ATRNL1: variants seen among roughly 807,000 people sequenced by gnomAD.
ATRNL1 encodes the protein attractin-like protein 1.
A neutral mutation model predicts 182.7 loss-of-function variants in ATRNL1; 95 were observed. The observed-to-expected ratio is 0.52, with a 90% CI of 0.44 to 0.62. ATRNL1 has a LOEUF of 0.62. Ranked by LOEUF, ATRNL1 falls within the 20% of genes least tolerant of loss-of-function variation. The pLI, the probability that ATRNL1 is intolerant of heterozygous loss-of-function variation, is 0.00. For synonymous variants in ATRNL1, 576 were observed against 568.3 expected (o/e 1.01, Z -0.19); for missense variants, 1,471 against 1,679.5 (o/e 0.88, Z 2.17).
At chr10:115,140,404 T>G (rs1444778754) in intron 5 of ATRNL1, among the ~76,000 whole-genome samples, 1 of 152,228 alleles carries the variant, frequency 6.6e-6, no homozygotes, top group Non-Finnish European at 1.5e-5. Context: ...AGGAATGGGC[T>G]AATTTGTTCT....
intron 8 of ATRNL1, among the ~76,000 whole-genome samples, chr10:115,179,694 G>A (rs1423596416): frequency 2.0e-5 from 3 of 152,118 alleles, no homozygotes; most frequent in Non-Finnish European, 4.4e-5. Flanking sequence ...TTGAGAGGAA[G>A]AAGTGTCTTG....
At chr10:115,590,787 C>G (rs2804200) in intron 26 of ATRNL1, among the ~76,000 whole-genome samples, 72,389 of 151,936 alleles carry the variant, frequency 0.48, 18,708 homozygotes, top group East Asian at 0.84. Flanking sequence ...ACTTCCATTG[C>G]AAATAGAAAG....
intron 26 of ATRNL1, among the ~76,000 whole-genome samples, chr10:115,557,581 A>C (rs1301328515): frequency 7.2e-5 from 11 of 152,164 alleles, no homozygotes; most frequent in Admixed American, 6.5e-4. Context: ...AGCCACTTAG[A>C]AATCATTGCT....
chr10:115,208,521 T>A (rs917171433), intron 8 of ATRNL1, among the ~76,000 whole-genome samples: 2 of 152,094 alleles, frequency 1.3e-5, no homozygotes, highest in African/African-American at 4.8e-5. Flanking sequence ...AGTTTGCTCC[T>A]TAGTCTTGTT....
At chr10:115,325,760 C>T (rs1854840062) in intron 18 of ATRNL1, among the ~76,000 whole-genome samples, 1 of 152,062 alleles carries the variant, frequency 6.6e-6, no homozygotes, top group Non-Finnish European at 1.5e-5. Flanking sequence ...AGATTACTAC[C>T]TTCTAGTTTT....
At chr10:115,368,081 T>A (rs1857160040) in intron 19 of ATRNL1, among the ~76,000 whole-genome samples, 1 of 152,200 alleles carries the variant, frequency 6.6e-6, no homozygotes, top group Non-Finnish European at 1.5e-5. Flanking sequence ...CTGCTTTGTT[T>A]ACCTAAGCAA....
intron 8 of ATRNL1, among the ~76,000 whole-genome samples, chr10:115,209,410 A>G (rs1450725470): frequency 2.9e-4 from 38 of 133,170 alleles, no homozygotes; most frequent in Non-Finnish European, 2.7e-4. Flanking sequence ...TCCATAAAGC[A>G]TTTTTTATTT....
chr10:115,480,235 C>CACACACAA (rs782012639), intron 24 of ATRNL1, among the ~76,000 whole-genome samples: 2 of 150,154 alleles, frequency 1.3e-5, no homozygotes, highest in African/African-American at 4.9e-5. Flanking sequence ...CACACACACA[C>CACACACAA]AAAACAGAAA....
chr10:115,290,294 G>T (rs1004464168), intron 15 of ATRNL1, among the ~76,000 whole-genome samples: 3 of 152,038 alleles, frequency 2.0e-5, no homozygotes, highest in African/African-American at 4.8e-5. Flanking sequence ...TTCCTCTAGG[G>T]TAATACCCGA....
intron 28 of ATRNL1, among the ~76,000 whole-genome samples, chr10:115,859,441 C>T (rs1951261081): frequency 6.6e-6 from 1 of 152,096 alleles, no homozygotes; most frequent in Non-Finnish European, 1.5e-5. Context: ...TAATTCACCT[C>T]TTACCAGCAG....
At chr10:115,627,403 T>G (rs1858174608) in intron 26 of ATRNL1, among the ~76,000 whole-genome samples, 1 of 152,176 alleles carries the variant, frequency 6.6e-6, no homozygotes, top group Non-Finnish European at 1.5e-5. Flanking sequence ...CTCACTTTGT[T>G]GCTAAGACTG....
chr10:115,363,562 C>G (rs1399667402), intron 19 of ATRNL1, among the ~76,000 whole-genome samples: 5 of 148,346 alleles, frequency 3.4e-5, no homozygotes, highest in African/African-American at 9.9e-5. Context: ...GTTGCCATTG[C>G]TTTTGGTGTT....
chr10:115,561,708 T>TGG (rs1475962220), intron 26 of ATRNL1, among the ~76,000 whole-genome samples: 1 of 150,442 alleles, frequency 6.6e-6, no homozygotes, highest in Non-Finnish European at 1.5e-5. Flanking sequence ...TGTGTGGGTG[T>TGG]GTGTGTGTGT....
chr10:115,341,973 C>G (rs1218991027), intron 19 of ATRNL1, among the ~76,000 whole-genome samples: 4 of 152,036 alleles, frequency 2.6e-5, no homozygotes, highest in Non-Finnish European at 5.9e-5. Flanking sequence ...CATTCAGCCA[C>G]TCTCTTGATT....
chr10:115,806,337 T>C (rs1243177895), intron 27 of ATRNL1, among the ~76,000 whole-genome samples: 1 of 152,166 alleles, frequency 6.6e-6, no homozygotes, highest in Non-Finnish European at 1.5e-5. Context: ...TCTATATTTT[T>C]AGTATCCAAA....
chr10:115,171,977 T>C (rs1205591541), intron 8 of ATRNL1, among the ~76,000 whole-genome samples: 7 of 152,122 alleles, frequency 4.6e-5, no homozygotes, highest in Admixed American at 6.6e-5. Context: ...AATTCTTTTC[T>C]GGCTCTGGCC....
At chr10:115,155,324 G>A (rs189701103) in intron 5 of ATRNL1, among the ~76,000 whole-genome samples, 226 of 151,808 alleles carry the variant, frequency 1.5e-3, no homozygotes, top group Non-Finnish European at 2.2e-3. Flanking sequence ...ATTGATATAT[G>A]GGGACTTAAT....
Position 115,830,953 on chromosome 10 carries a change from C to T in ATRNL1, c.3904-16924C>T, listed in dbSNP as rs782816321. On this transcript the variant is annotated intron_variant, in intron 27 of 28. Coordinates refer to ENST00000355044, the MANE Select transcript of ATRNL1 (RefSeq NM_207303.4). Reference sequence around the variant, plus strand: ...TTACAGCTTTACAACACAGAGCAGGCCTTGCCTTTTTATCCCTTGGCTGTG... The same window carrying T: ...TTACAGCTTTACAACACAGAGCAGGTCTTGCCTTTTTATCCCTTGGCTGTG... Among the ~76,000 whole-genome samples the T allele has an allele frequency of 9.3e-4, 141 of 152,198 alleles. 4 individuals are homozygous for T. Among genetic ancestry groups the T allele is most frequent in the Non-Finnish European group, 3.8e-4 (26 of 68,018 alleles).
chr10:115,369,413 G>A (rs535247208), intron 19 of ATRNL1, among the ~76,000 whole-genome samples: 9 of 151,990 alleles, frequency 5.9e-5, no homozygotes, highest in Non-Finnish European at 1.3e-4. Flanking sequence ...AGCGGGATTG[G>A]GGTTTTGTGA....
Sources: gnomAD v4.1 joint callset for allele counts (sites outside exome capture counted in the v4.1 genomes callset) on GRCh38, gnomAD v4.1.1 for gene constraint, MANE v1.5 for transcripts, NCBI Gene and HGNC (gene_info 2026-07-23, HGNC 2026-07-21) for gene names.